DAB1: variants seen among roughly 807,000 people sequenced by gnomAD.
DAB1 encodes the protein DAB adaptor protein 1, also known as disabled homolog 1.
A neutral mutation model predicts 64.6 loss-of-function variants in DAB1; 15 were observed. The observed-to-expected ratio is 0.23, with a 90% CI of 0.16 to 0.36. DAB1 has a LOEUF of 0.36. Among genes scored for constraint, DAB1 ranks in the 10% least tolerant of loss-of-function variants. The pLI is 1.00. For missense variants in DAB1, 596 were observed against 706.7 expected, an observed-to-expected ratio of 0.84 and a Z score of 1.78; for synonymous variants, 235 against 251.9, an observed-to-expected ratio of 0.93 and a Z score of 0.64.
intron 7 of DAB1, among the ~76,000 whole-genome samples, chr1:57,575,015 C>G (rs1645234535): frequency 6.6e-6 from 1 of 152,206 alleles, no homozygotes; most frequent in Non-Finnish European, 1.5e-5. Flanking sequence ...TGTTAACCTT[C>G]TATCAATATT....
intron 6 of DAB1, among the ~76,000 whole-genome samples, chr1:57,697,966 C>T (rs1646864288): frequency 6.6e-6 from 1 of 152,144 alleles, no homozygotes; most frequent in Admixed American, 6.6e-5. Context: ...GTGCTTTCCT[C>T]TCAACTAATT....
chr1:57,077,982 A>T (rs989266714), intron 4 of DAB1, among the ~76,000 whole-genome samples: 1 of 152,196 alleles, frequency 6.6e-6, no homozygotes, highest in African/African-American at 2.4e-5. Flanking sequence ...ACATGAAAAA[A>T]CACTACTTCA....
intron 9 of DAB1, among the ~76,000 whole-genome samples, chr1:57,034,278 C>CAAAAGAAAAA (rs1647061282): frequency 8.4e-6 from 1 of 119,260 alleles, no homozygotes; most frequent in African/African-American, 3.5e-5. Context: ...GACTCCATTT[C>CAAAAGAAAAA]AAAAAAAAAA....
intron 7 of DAB1, among the ~76,000 whole-genome samples, chr1:57,646,686 C>A (rs1646195094): frequency 6.6e-6 from 1 of 152,122 alleles, no homozygotes; most frequent in Admixed American, 6.5e-5. Flanking sequence ...GAGGTTGAGG[C>A]TGCAGTGAGC....
At chr1:58,399,237 T>C (rs1644550071) in intron 3 of DAB1, among the ~76,000 whole-genome samples, 1 of 152,240 alleles carries the variant, frequency 6.6e-6, no homozygotes, top group Non-Finnish European at 1.5e-5. Flanking sequence ...TTGTTTCTTT[T>C]TGATCCTCTG....
At chr1:58,123,126 G>A (rs949293127) in intron 5 of DAB1, among the ~76,000 whole-genome samples, 4 of 152,134 alleles carry the variant, frequency 2.6e-5, no homozygotes, top group African/African-American at 4.8e-5. Flanking sequence ...CCTTCCTAGA[G>A]CTGGCCCCTG....
chr1:57,685,331 G>GAT (rs1044864211), intron 6 of DAB1, among the ~76,000 whole-genome samples: 3 of 151,762 alleles, frequency 2.0e-5, no homozygotes, highest in African/African-American at 7.3e-5. Context: ...ATTACATAAT[G>GAT]ATAAAGGGTA....
chr1:57,727,726 C>CTCCTTCCTTCCTTCCTTCCTTCCATCCT, intron 6 of DAB1, among the ~76,000 whole-genome samples: 1 of 137,124 alleles, frequency 7.3e-6, no homozygotes, highest in East Asian at 2.2e-4. Context: ...CCTTCCTTCT[C>CTCCTTCCTTCCTTCCTTCCTTCCATCCT]TCCTTCCTTC....
At chr1:58,162,083 T>G (rs1655566943) in intron 4 of DAB1, among the ~76,000 whole-genome samples, 1 of 151,910 alleles carries the variant, frequency 6.6e-6, no homozygotes, top group Non-Finnish European at 1.5e-5. Context: ...CAATGTTCGG[T>G]GATAGATAGG....
At chr1:57,415,879 C>A (rs960341517) in intron 1 of DAB1, among the ~76,000 whole-genome samples, 1 of 152,166 alleles carries the variant, frequency 6.6e-6, no homozygotes, top group Non-Finnish European at 1.5e-5. Flanking sequence ...TGATCATTCA[C>A]ACCACAAAGT....
At chr1:57,062,822 T>A in intron 9 of DAB1, 62 bp downstream of exon 9, 1 of 1,390,694 alleles carries the variant, frequency 7.2e-7, no homozygotes. Flanking sequence ...CCGCAGGCTG[T>A]AGACAGCCTC....
intron 5 of DAB1, among the ~76,000 whole-genome samples, chr1:58,101,550 G>A (rs954570191): frequency 2.0e-5 from 3 of 152,082 alleles, no homozygotes; most frequent in Non-Finnish European, 2.9e-5. Context: ...AGAAACCATG[G>A]AGGTCCCTAA....
intron 6 of DAB1, among the ~76,000 whole-genome samples, chr1:57,786,191 T>G (rs1053371841): frequency 1.3e-5 from 2 of 152,200 alleles, no homozygotes; most frequent in African/African-American, 4.8e-5. Flanking sequence ...GCACACTTAA[T>G]GGACTACAGT....
intron 4 of DAB1, among the ~76,000 whole-genome samples, chr1:58,163,670 A>C (rs1020323002): frequency 6.6e-6 from 1 of 152,208 alleles, no homozygotes; most frequent in Non-Finnish European, 1.5e-5. Context: ...TCTGCCAGGT[A>C]AATGTGGACT....
intron 4 of DAB1, among the ~76,000 whole-genome samples, chr1:57,122,287 T>C (rs1313779914): frequency 6.6e-6 from 1 of 152,158 alleles, no homozygotes; most frequent in African/African-American, 2.4e-5. Flanking sequence ...CTGGTACACA[T>C]TGGATGCTCA....
At chr1:57,153,009 GA>G (rs1187566160) in intron 2 of DAB1, among the ~76,000 whole-genome samples, 1 of 151,452 alleles carries the variant, frequency 6.6e-6, no homozygotes, top group African/African-American at 2.5e-5. Context: ...ATGTACTACT[GA>G]TAATCTATAT....
intron 14 of DAB1, among the ~76,000 whole-genome samples, chr1:57,007,668 T>C (rs1451158518): frequency 1.3e-5 from 2 of 152,190 alleles, no homozygotes; most frequent in Admixed American, 1.3e-4. Flanking sequence ...ACAGATGTCA[T>C]CCCTACTTAC....
intron 3 of DAB1, among the ~76,000 whole-genome samples, chr1:58,446,252 C>T (rs1157900093): frequency 1.3e-5 from 2 of 152,120 alleles, no homozygotes; most frequent in Non-Finnish European, 2.9e-5. Flanking sequence ...GCTCCCAGCC[C>T]ATTACGTTAC....
chr1:58,130,693 AT>A lies in DAB1; in HGVS notation n.387+19817del, dbSNP rs1312002902. On this transcript the variant is annotated intron_variant and non_coding_transcript_variant, in intron 5 of 20. Transcript: ENST00000485760. The stretch of plus-strand genomic sequence containing the variant: ...CTCAGCATTTGCTTGTCTGTAAAGT[AT>A]TTTATTTCTCCTTCACTTATGAAGC... 9.2e-5 allele frequency among the ~76,000 whole-genome samples: 14 copies of A among 151,730 alleles called. 1 individual carries two copies. Among genetic ancestry groups the A allele is most frequent in the Non-Finnish European group, 1.3e-4 (9 of 67,856 alleles).
Sources: gnomAD v4.1 joint callset for allele counts (sites outside exome capture counted in the v4.1 genomes callset) on GRCh38, gnomAD v4.1.1 for gene constraint, MANE v1.5 for transcripts, NCBI Gene and HGNC (gene_info 2026-07-23, HGNC 2026-07-21) for gene names.